Variants in ADAMTSL3 observed in about 807,000 individuals in gnomAD.
ADAMTSL3 encodes the protein ADAMTS-like protein 3.
In ADAMTSL3, 128 loss-of-function variants were observed where a neutral mutation model predicts 201.7. The observed-to-expected ratio is 0.63, with a 90% CI of 0.55 to 0.73. The LOEUF (loss-of-function observed/expected upper bound fraction) is 0.73, where lower values mean the gene tolerates loss of function less well. Ranked by LOEUF, ADAMTSL3 falls within the 30% of genes least tolerant of loss-of-function variation. The pLI is 0.00. For synonymous variants in ADAMTSL3, 738 were observed against 748.4 expected, an observed-to-expected ratio of 0.99 and a Z score of 0.23; for missense variants, 1,990 against 2,119.6, an observed-to-expected ratio of 0.94 and a Z score of 1.20.
At chr15:83,887,191 A>G (rs2065411350) in intron 10 of ADAMTSL3, among the ~76,000 whole-genome samples, 2 of 152,108 alleles carry the variant, frequency 1.3e-5, no homozygotes, top group Non-Finnish European at 2.9e-5. Context: ...TTTGAGAACC[A>G]TTGCCTCTTT....
At chr15:83,783,867 C>G (rs995865654) in intron 4 of ADAMTSL3, among the ~76,000 whole-genome samples, 2 of 89,788 alleles carry the variant, frequency 2.2e-5, no homozygotes, top group African/African-American at 7.0e-5. Context: ...GTGTGTGTGT[C>G]TCCACATTCC....
At chr15:83,712,728 C>T (rs1448364530) in intron 3 of ADAMTSL3, among the ~76,000 whole-genome samples, 7 of 152,142 alleles carry the variant, frequency 4.6e-5, no homozygotes, top group African/African-American at 1.4e-4. Flanking sequence ...ATTGCCTGTT[C>T]CAAGAAACCA....
intron 17 of ADAMTSL3, among the ~76,000 whole-genome samples, chr15:83,926,618 T>A (rs2141996466): frequency 6.6e-6 from 1 of 151,650 alleles, no homozygotes; most frequent in Middle Eastern, 3.4e-3. Flanking sequence ...AACAACTTTT[T>A]TTTTTTTTTT....
intron 3 of ADAMTSL3, among the ~76,000 whole-genome samples, chr15:83,720,535 A>C (rs1271915031): frequency 6.6e-6 from 1 of 152,240 alleles, no homozygotes; most frequent in Non-Finnish European, 1.5e-5. Flanking sequence ...GATACTTCAC[A>C]CATTCTGACA....
At chr15:83,927,298 G>A (rs879445791) in intron 17 of ADAMTSL3, among the ~76,000 whole-genome samples, 5 of 151,880 alleles carry the variant, frequency 3.3e-5, no homozygotes, top group Admixed American at 6.6e-5. Context: ...TGTATTTTTC[G>A]TAGAGATGGG....
At chr15:83,805,070 C>T (rs574454309) in intron 5 of ADAMTSL3, among the ~76,000 whole-genome samples, 11 of 152,116 alleles carry the variant, frequency 7.2e-5, no homozygotes, top group East Asian at 1.9e-4. Context: ...TGAGGCTGAC[C>T]GAGGTAAAAT....
intron 17 of ADAMTSL3, among the ~76,000 whole-genome samples, chr15:83,940,395 G>C (rs1021898765): frequency 2.6e-5 from 4 of 152,170 alleles, no homozygotes; most frequent in Non-Finnish European, 5.9e-5. Context: ...AGACTAAAGG[G>C]TTCAGTTTTT....
chr15:84,021,351 T>G, intron 25 of ADAMTSL3, 59 bp from the exon 26 acceptor site: 1 of 1,595,594 alleles, frequency 6.3e-7, no homozygotes, highest in Non-Finnish European at 8.6e-7. Context: ...CCATGTCTTC[T>G]CCAGCTCGTC....
intron 27 of ADAMTSL3, among the ~76,000 whole-genome samples, chr15:84,031,008 C>G (rs962531559): frequency 2.0e-5 from 3 of 152,190 alleles, no homozygotes; most frequent in Admixed American, 6.5e-5. Flanking sequence ...TGTAAGTCTT[C>G]TGAGGCTTCC....
At chr15:83,929,783 GACAC>G (rs144659875) in intron 17 of ADAMTSL3, among the ~76,000 whole-genome samples, 2 of 148,038 alleles carry the variant, frequency 1.4e-5, no homozygotes, top group African/African-American at 5.0e-5. Flanking sequence ...GACAGAGACA[GACAC>G]ACACACACAC....
chr15:83,704,062 GCAA>G (rs1190371348), intron 2 of ADAMTSL3, among the ~76,000 whole-genome samples: 5 of 149,964 alleles, frequency 3.3e-5, no homozygotes, highest in Non-Finnish European at 5.9e-5. Flanking sequence ...CAATAGATTT[GCAA>G]CAACAAGACA....
rs375163093 is a variant in ADAMTSL3, at chr15:83,845,981, G to A, written c.727+7766G>A. Among the ~76,000 whole-genome samples, 28 of 152,198 alleles carry A rather than the reference G, an allele frequency of 1.8e-4. No homozygotes were observed. In the East Asian group the frequency reaches 4.6e-3, roughly 25 times the overall value. Reference sequence around the variant, plus strand: ...CCCAGTATGTTTCCAGTAAAGGTGTGTCGACTTGACCTACACAGAATTGAA... The same window carrying A: ...CCCAGTATGTTTCCAGTAAAGGTGTATCGACTTGACCTACACAGAATTGAA... On this transcript the variant is annotated intron_variant, in intron 7 of 29. Transcript: ENST00000286744.
intron 4 of ADAMTSL3, among the ~76,000 whole-genome samples, chr15:83,800,791 T>G (rs994243597): frequency 1.3e-5 from 2 of 152,192 alleles, no homozygotes; most frequent in Admixed American, 6.5e-5. Context: ...CAAAAAGCTT[T>G]TTGGTTATCA....
chr15:83,874,857 G>A (rs1376900167), intron 9 of ADAMTSL3, among the ~76,000 whole-genome samples: 1 of 145,758 alleles, frequency 6.9e-6, no homozygotes, highest in Non-Finnish European at 1.5e-5. Context: ...AAAGTAAAAG[G>A]CACTGGTCCA....
chr15:83,704,528 A>G lies in ADAMTSL3; in HGVS notation c.189+20A>G, dbSNP rs374181296. 29 of 1,613,224 alleles carry G rather than the reference A, an allele frequency of 1.8e-5. No individual in the cohort carries two copies. Among genetic ancestry groups the G allele is most frequent in the Admixed American group, 1.0e-4 (6 of 59,860 alleles). On this transcript the variant is annotated intron_variant, in intron 3 of 29. Transcript: ENST00000286744. ...GACCAGGTAAGAACATTGGACAAGG[A>G]TCTACCTTTGGCTTTGCTGTTTGCC...
chr15:83,874,538 C>T (rs2065142675), intron 9 of ADAMTSL3, among the ~76,000 whole-genome samples: 1 of 143,228 alleles, frequency 7.0e-6, no homozygotes, highest in Non-Finnish European at 1.5e-5. Flanking sequence ...ACTATGGGTC[C>T]TATTTTGTTC....
At chr15:83,697,496 AC>A (rs772738301) in intron 2 of ADAMTSL3, among the ~76,000 whole-genome samples, 13 of 152,320 alleles carry the variant, frequency 8.5e-5, no homozygotes, top group Non-Finnish European at 1.6e-4. Flanking sequence ...CTTCTGACAA[AC>A]AGGCTATAAA....
At chr15:83,853,437 A>G (rs2064661850) in intron 7 of ADAMTSL3, among the ~76,000 whole-genome samples, 1 of 152,198 alleles carries the variant, frequency 6.6e-6, no homozygotes, top group Non-Finnish European at 1.5e-5. Context: ...ATGTTTAAGC[A>G]TTAAGCATAT....
chr15:83,779,147 T>C (rs945823552), intron 4 of ADAMTSL3, among the ~76,000 whole-genome samples: 9 of 152,046 alleles, frequency 5.9e-5, no homozygotes, highest in African/African-American at 2.2e-4. Context: ...AGATTTAGAC[T>C]CCCTCACAGT....
Sources: allele counts gnomAD v4.1 joint callset (sites outside exome capture counted in the v4.1 genomes callset), GRCh38; gene constraint gnomAD v4.1.1; transcripts MANE v1.5; gene names NCBI Gene and HGNC (gene_info 2026-07-23, HGNC 2026-07-21).